YAP1: variants seen among roughly 807,000 people sequenced by gnomAD.
The protein encoded by YAP1 is transcriptional coactivator YAP1.
Under a neutral mutation model 56.9 loss-of-function variants are expected in YAP1, and 5 were observed. The ratio of observed to expected loss-of-function variants is 0.09; its 90% CI spans 0.05 to 0.18. The LOEUF is 0.18. Ranked by LOEUF, YAP1 falls within the 10% of genes least tolerant of loss-of-function variation. The pLI is 1.00. For missense variants in YAP1, 539 were observed against 651.8 expected (o/e 0.83, Z 1.88); for synonymous variants, 265 against 248.1 (o/e 1.07, Z -0.64).
intron 3 of YAP1, among the ~76,000 whole-genome samples, chr11:102,181,588 T>C (rs1024978813): frequency 2.0e-5 from 3 of 152,136 alleles, no homozygotes; most frequent in Admixed American, 6.5e-5. Flanking sequence ...GGAGAAAGAC[T>C]CTCTCAAAAT....
chr11:102,153,050 T>C (rs1164626117), intron 2 of YAP1, among the ~76,000 whole-genome samples: 1 of 152,254 alleles, frequency 6.6e-6, no homozygotes, highest in East Asian at 1.9e-4. Flanking sequence ...CGTAGTGATC[T>C]ACGGCTGAAG....
At chr11:102,148,968 A>G (rs1016034529) in intron 2 of YAP1, among the ~76,000 whole-genome samples, 3 of 152,176 alleles carry the variant, frequency 2.0e-5, no homozygotes, top group African/African-American at 7.2e-5. Context: ...ACTAGCTGCA[A>G]ATGATAGATA....
chr11:102,195,481 T>C (rs1168876119), intron 4 of YAP1, among the ~76,000 whole-genome samples: 1 of 152,204 alleles, frequency 6.6e-6, no homozygotes, highest in Non-Finnish European at 1.5e-5. Context: ...GGTTTGGCTG[T>C]GTCCCCACCC....
At chr11:102,144,068 A>G (rs1945178667) in intron 2 of YAP1, among the ~76,000 whole-genome samples, 1 of 152,242 alleles carries the variant, frequency 6.6e-6, no homozygotes, top group South Asian at 2.1e-4. Context: ...GAGAAGAGAC[A>G]GGATGACCTC....
chr11:102,136,067 T>C lies in YAP1; in HGVS notation c.572+21673T>C, dbSNP rs1179849245. Among the ~76,000 whole-genome samples, 3 of 152,202 alleles carry C rather than the reference T, an allele frequency of 2.0e-5. No homozygotes were observed. The East Asian group carries it at 5.8e-4, about 29-fold the overall frequency. Reference sequence around the variant, plus strand: ...TACATAAGAACTTTTCTAGGCTGTGTAAGAGTGGAATTGCTGGGTCACAGG... The same window carrying C: ...TACATAAGAACTTTTCTAGGCTGTGCAAGAGTGGAATTGCTGGGTCACAGG... On this transcript the variant is annotated intron_variant, in intron 2 of 8. Coordinates refer to ENST00000282441, the MANE Select transcript of YAP1 (RefSeq NM_001130145.3).
At chr11:102,112,184 A>C (rs1051412012) in intron 1 of YAP1, among the ~76,000 whole-genome samples, 2 of 152,240 alleles carry the variant, frequency 1.3e-5, no homozygotes, top group African/African-American at 4.8e-5. Flanking sequence ...GCCTAGTTCA[A>C]CTGTGATTAA....
chr11:102,155,633 G>A (rs934850607), intron 2 of YAP1, among the ~76,000 whole-genome samples: 3 of 152,192 alleles, frequency 2.0e-5, no homozygotes, highest in African/African-American at 7.2e-5. Flanking sequence ...TGCCCACTTT[G>A]CTAAGAAGCG....
At chr11:102,197,764 C>T (rs1348046772) in intron 4 of YAP1, among the ~76,000 whole-genome samples, 1 of 152,068 alleles carries the variant, frequency 6.6e-6, no homozygotes, top group Non-Finnish European at 1.5e-5. Flanking sequence ...TTTATTAAAA[C>T]TGGAAACATT....
intron 2 of YAP1, among the ~76,000 whole-genome samples, chr11:102,133,784 C>CTTGGGCA (rs1209496440): frequency 2.0e-5 from 3 of 152,154 alleles, no homozygotes; most frequent in Non-Finnish European, 4.4e-5. Context: ...TCTTAGTCAG[C>CTTGGGCA]TTGGGCAGCC....
chr11:102,124,112 C>G (rs1278444304), intron 2 of YAP1, among the ~76,000 whole-genome samples: 1 of 151,904 alleles, frequency 6.6e-6, no homozygotes, highest in African/African-American at 2.4e-5. Context: ...CCACCATGCC[C>G]CAGCTAATTT....
chr11:102,115,152 C>G lies in YAP1; in HGVS notation c.572+758C>G, dbSNP rs58117903. Reference sequence around the variant, plus strand: ...TGAAAAGACATAAATAGAATTTTCTCTCCTCTGATTTTGAAATTACAGATA... The same window carrying G: ...TGAAAAGACATAAATAGAATTTTCTGTCCTCTGATTTTGAAATTACAGATA... On this transcript the variant is annotated intron_variant, in intron 2 of 8. Transcript: ENST00000282441. 3.1e-3 allele frequency among the ~76,000 whole-genome samples: 475 copies of G among 152,246 alleles called. 5 individuals carry two copies. Among genetic ancestry groups the G allele is most frequent in the African/African-American group, 0.011 (461 of 41,542 alleles).
intron 3 of YAP1, among the ~76,000 whole-genome samples, chr11:102,178,003 C>G (rs1300681592): frequency 6.6e-6 from 1 of 152,170 alleles, no homozygotes; most frequent in African/African-American, 2.4e-5. Context: ...CACTCTGCCA[C>G]TTACTAGGTT....
At chr11:102,214,786 A>G (rs1450318602) in intron 6 of YAP1, among the ~76,000 whole-genome samples, 1 of 152,124 alleles carries the variant, frequency 6.6e-6, no homozygotes, top group Non-Finnish European at 1.5e-5. Flanking sequence ...CTTCCTTGTT[A>G]TTTGAACAGT....
At chr11:102,215,920 TTTTCTCCC>T (rs1329260350) in intron 6 of YAP1, among the ~76,000 whole-genome samples, 5 of 152,180 alleles carry the variant, frequency 3.3e-5, no homozygotes, top group Admixed American at 3.3e-4. Context: ...AGGCCAGCCT[TTTTCTCCC>T]TTTCTTAACA....
chr11:102,112,655 C>A, intron 1 of YAP1: 2 of 985,194 alleles, frequency 2.0e-6, no homozygotes, highest in East Asian at 2.3e-4. Flanking sequence ...CAGAAAAAAT[C>A]ACTTAACCTG....
At chr11:102,137,842 T>G in intron 2 of YAP1, among the ~76,000 whole-genome samples, 1 of 151,958 alleles carries the variant, frequency 6.6e-6, no homozygotes, top group South Asian at 2.1e-4. Flanking sequence ...CAGCTTATAA[T>G]TAACTGATTT....
At chr11:102,124,729 C>G (rs1439490314) in intron 2 of YAP1, among the ~76,000 whole-genome samples, 1 of 151,934 alleles carries the variant, frequency 6.6e-6, no homozygotes, top group Admixed American at 6.6e-5. Flanking sequence ...ATTTTGTTTT[C>G]TTTTGTTTCT....
At chr11:102,168,011 T>G (rs755465090) in intron 3 of YAP1, among the ~76,000 whole-genome samples, 1 of 152,122 alleles carries the variant, frequency 6.6e-6, no homozygotes. Flanking sequence ...ACCACTGCAT[T>G]CCAGCCTGGA....
At chr11:102,136,874 T>G (rs1206373650) in intron 2 of YAP1, among the ~76,000 whole-genome samples, 2 of 152,212 alleles carry the variant, frequency 1.3e-5, no homozygotes, top group Non-Finnish European at 2.9e-5. Flanking sequence ...GCTGTGTCAG[T>G]AGCACTGTCT....
Sources: gnomAD v4.1 joint callset for allele counts (sites outside exome capture counted in the v4.1 genomes callset) on GRCh38, gnomAD v4.1.1 for gene constraint, MANE v1.5 for transcripts, NCBI Gene and HGNC (gene_info 2026-07-23, HGNC 2026-07-21) for gene names.